SENP5: variants seen among roughly 807,000 people sequenced by gnomAD.
SENP5 encodes sentrin-specific protease 5.
A neutral mutation model predicts 74.2 loss-of-function variants in SENP5; 21 were observed. The ratio of observed to expected loss-of-function variants is 0.28; its 90% CI spans 0.20 to 0.41. SENP5 has a LOEUF of 0.41. Ranked by LOEUF, SENP5 falls within the 10% of genes least tolerant of loss-of-function variation. SENP5 has a pLI of 1.00. For missense variants in SENP5, 717 were observed against 889.1 expected, an observed-to-expected ratio of 0.81 and a Z score of 2.46; for synonymous variants, 311 against 312.7, an observed-to-expected ratio of 0.99 and a Z score of 0.06.
At chr3:196,876,477 C>A (rs985093464) in intron 1 of SENP5, among the ~76,000 whole-genome samples, 2 of 148,714 alleles carry the variant, frequency 1.3e-5, no homozygotes, top group African/African-American at 5.0e-5. Context: ...GAGATTGCGC[C>A]ACTGCACTCC....
rs1715268080 is a variant in SENP5, at chr3:196,914,478, A to G, written c.1885-8936A>G. ...TGTACAAGTATATGCAAAAAAATAA[A>G]AAGCCAGGCAAAGTGGTAGGTGCTT... On this transcript the variant is annotated intron_variant, in intron 6 of 9. Coordinates refer to ENST00000323460, the MANE Select transcript of SENP5 (RefSeq NM_152699.5). 4 of 149,790 alleles carry G rather than the reference A, an allele frequency of 2.7e-5. No individual in the cohort carries two copies. The South Asian group carries it at 8.5e-4, about 32-fold the overall frequency. 9.3% of individuals were successfully genotyped at this position (149,790 alleles called of 1,614,324 possible).
chr3:196,908,478 A>G (rs1020950440), intron 6 of SENP5, among the ~76,000 whole-genome samples: 2 of 152,210 alleles, frequency 1.3e-5, no homozygotes, highest in South Asian at 2.1e-4. Context: ...AAATGCCCAC[A>G]TCGAAAAGCT....
At chr3:196,920,995 A>C (rs1428641582) in intron 6 of SENP5, among the ~76,000 whole-genome samples, 1 of 152,252 alleles carries the variant, frequency 6.6e-6, no homozygotes, top group Non-Finnish European at 1.5e-5. Flanking sequence ...GGAGGGCAAC[A>C]AATAATTGGG....
At chr3:196,919,385 G>A (rs1715519934) in intron 6 of SENP5, among the ~76,000 whole-genome samples, 1 of 152,232 alleles carries the variant, frequency 6.6e-6, no homozygotes, top group South Asian at 2.1e-4. Context: ...GGAGGCTCAG[G>A]CAGAAGAATC....
chr3:196,896,494 G>T (rs1466799244), intron 2 of SENP5, among the ~76,000 whole-genome samples: 1 of 152,064 alleles, frequency 6.6e-6, no homozygotes, highest in Non-Finnish European at 1.5e-5. Flanking sequence ...TCGCTCTGTT[G>T]CCCAGACTGG....
intron 6 of SENP5, among the ~76,000 whole-genome samples, chr3:196,917,372 TAGAG>T (rs143330138): frequency 9.5e-5 from 14 of 146,986 alleles, no homozygotes; most frequent in South Asian, 2.2e-4. Context: ...AAAGAGGAGG[TAGAG>T]AGAGAGAGAG....
intron 5 of SENP5, among the ~76,000 whole-genome samples, chr3:196,903,294 C>G (rs1176851000): frequency 6.6e-6 from 1 of 152,142 alleles, no homozygotes; most frequent in Non-Finnish European, 1.5e-5. Context: ...TGGGTGCCAC[C>G]ACGCCCGGCT....
intron 6 of SENP5, among the ~76,000 whole-genome samples, chr3:196,911,431 G>A (rs922719854): frequency 6.6e-5 from 10 of 152,124 alleles, no homozygotes; most frequent in Non-Finnish European, 1.2e-4. Context: ...AGACATTTAT[G>A]TCTGTAGTCT....
At chr3:196,902,284 C>T (rs1714732658) in intron 5 of SENP5, among the ~76,000 whole-genome samples, 1 of 152,120 alleles carries the variant, frequency 6.6e-6, no homozygotes, top group African/African-American at 2.4e-5. Flanking sequence ...GCTACTATAC[C>T]CAGCTAGTTT....
At chr3:196,888,806 T>G (rs1163215232) in intron 2 of SENP5, among the ~76,000 whole-genome samples, 1 of 151,962 alleles carries the variant, frequency 6.6e-6, no homozygotes, top group African/African-American at 2.4e-5. Flanking sequence ...ACTTTCTCTT[T>G]CCAACCATTA....
At chr3:196,871,587 CAGTGG>C (rs1320830156) in intron 1 of SENP5, among the ~76,000 whole-genome samples, 5 of 152,136 alleles carry the variant, frequency 3.3e-5, no homozygotes, top group Non-Finnish European at 7.4e-5. Flanking sequence ...CGGCCTGGTG[CAGTGG>C]CTCATGCCTG....
chr3:196,901,203 G>A (rs1714689649), intron 5 of SENP5, among the ~76,000 whole-genome samples: 1 of 151,604 alleles, frequency 6.6e-6, no homozygotes, highest in South Asian at 2.1e-4. Flanking sequence ...GTGCCACCAT[G>A]CCTGGCTAAT....
intron 6 of SENP5, among the ~76,000 whole-genome samples, chr3:196,906,780 A>G (rs962813181): frequency 2.0e-5 from 3 of 152,184 alleles, no homozygotes; most frequent in African/African-American, 7.2e-5. Flanking sequence ...TCCTAAATGT[A>G]ATAGGAAACC....
At chr3:196,918,840 C>T (rs1422401557) in intron 6 of SENP5, among the ~76,000 whole-genome samples, 2 of 150,916 alleles carry the variant, frequency 1.3e-5, no homozygotes, top group Non-Finnish European at 2.9e-5. Context: ...TCCATACAAA[C>T]AGAAGCCAAA....
At chr3:196,887,597 C>A (rs1714030215) in intron 2 of SENP5, among the ~76,000 whole-genome samples, 1 of 151,688 alleles carries the variant, frequency 6.6e-6, no homozygotes, top group Non-Finnish European at 1.5e-5. Flanking sequence ...GAATATATGA[C>A]CTTCAGGGAA....
chr3:196,876,741 T>C (rs1713492842), intron 1 of SENP5, among the ~76,000 whole-genome samples: 1 of 143,682 alleles, frequency 7.0e-6, no homozygotes, highest in Non-Finnish European at 1.5e-5. Context: ...TTGCCAGGCG[T>C]GGTGGTGTGT....
At chr3:196,876,471 T>C (rs922315417) in intron 1 of SENP5, among the ~76,000 whole-genome samples, 1 of 150,104 alleles carries the variant, frequency 6.7e-6, no homozygotes, top group Admixed American at 6.7e-5. Flanking sequence ...TGAGCCGAGA[T>C]TGCGCCACTG....
At chr3:196,915,833 T>C (rs999617129) in intron 6 of SENP5, among the ~76,000 whole-genome samples, 1 of 152,214 alleles carries the variant, frequency 6.6e-6, no homozygotes, top group Non-Finnish European at 1.5e-5. Flanking sequence ...AGGGTCACAG[T>C]CTTACTGGGC....
At chr3:196,927,209 T>G (rs953326542) in intron 7 of SENP5, among the ~76,000 whole-genome samples, 1 of 152,240 alleles carries the variant, frequency 6.6e-6, no homozygotes, top group Non-Finnish European at 1.5e-5. Context: ...AAGGCTGGAA[T>G]ATTTTTCATT....
Sources: gnomAD v4.1 joint callset for allele counts (sites outside exome capture counted in the v4.1 genomes callset) on GRCh38, gnomAD v4.1.1 for gene constraint, MANE v1.5 for transcripts, NCBI Gene and HGNC (gene_info 2026-07-23, HGNC 2026-07-21) for gene names.